Variants in EPHB1 observed in about 807,000 individuals in gnomAD.
The protein encoded by EPHB1 is ephrin type-B receptor 1.
EPHB1 carries 30 observed loss-of-function variants against 94.4 expected under a neutral mutation model. The ratio of observed to expected loss-of-function variants is 0.32; its 90% confidence interval spans 0.24 to 0.43. The LOEUF (loss-of-function observed/expected upper bound fraction) is 0.43, where lower values mean the gene tolerates loss of function less well. Ranked by LOEUF, EPHB1 falls within the 20% of genes least tolerant of loss-of-function variation. The pLI, the probability that EPHB1 is intolerant of heterozygous loss-of-function variation, is 1.00. For missense variants in EPHB1, 1,055 were observed against 1,308.3 expected, an observed-to-expected ratio of 0.81 and a Z score of 2.99; for synonymous variants, 522 against 489.1, an observed-to-expected ratio of 1.07 and a Z score of -0.89.
chr3:135,075,966 G>C (rs1235614522), intron 3 of EPHB1, among the ~76,000 whole-genome samples: 2 of 152,136 alleles, frequency 1.3e-5, no homozygotes, highest in Non-Finnish European at 2.9e-5. Flanking sequence ...CATCCCAAGA[G>C]ATGGCTTCCT....
chr3:135,161,423 C>T (rs1193310357), intron 6 of EPHB1, among the ~76,000 whole-genome samples: 1 of 152,130 alleles, frequency 6.6e-6, no homozygotes, highest in Non-Finnish European at 1.5e-5. Context: ...AAGGTGAGGG[C>T]AGAAGTAGGT....
intron 3 of EPHB1, among the ~76,000 whole-genome samples, chr3:134,984,923 T>G (rs1934542109): frequency 1.3e-5 from 2 of 152,098 alleles, no homozygotes; most frequent in Admixed American, 1.3e-4. Context: ...TATGTCACAG[T>G]CCACTTCATG....
intron 1 of EPHB1, among the ~76,000 whole-genome samples, chr3:134,824,573 A>G (rs923232195): frequency 1.3e-5 from 2 of 152,166 alleles, no homozygotes; most frequent in South Asian, 2.1e-4. Context: ...GAACTTGCCA[A>G]CCCAGAGTCT....
intron 1 of EPHB1, among the ~76,000 whole-genome samples, chr3:134,925,278 T>A (rs2038766301): frequency 6.6e-6 from 1 of 152,128 alleles, no homozygotes; most frequent in African/African-American, 2.4e-5. Flanking sequence ...TGATGGGAAG[T>A]TACCCAAGGG....
chr3:135,051,211 T>G, intron 3 of EPHB1, among the ~76,000 whole-genome samples: 1 of 152,172 alleles, frequency 6.6e-6, no homozygotes, highest in Non-Finnish European at 1.5e-5. Context: ...TAAGAGTCCT[T>G]CTATCCCTTA....
intron 1 of EPHB1, among the ~76,000 whole-genome samples, chr3:134,836,882 T>C (rs1261684119): frequency 6.6e-6 from 1 of 152,224 alleles, no homozygotes; most frequent in Non-Finnish European, 1.5e-5. Flanking sequence ...CTGGAATAAG[T>C]TTGTCTAAAG....
At chr3:134,833,536 G>A (rs1162602118) in intron 1 of EPHB1, among the ~76,000 whole-genome samples, 1 of 152,232 alleles carries the variant, frequency 6.6e-6, no homozygotes, top group East Asian at 1.9e-4. Context: ...TACAAAATGT[G>A]TAAAGCATTG....
At chr3:135,082,587 A>T (rs2107787655) in intron 3 of EPHB1, among the ~76,000 whole-genome samples, 1 of 152,324 alleles carries the variant, frequency 6.6e-6, no homozygotes, top group East Asian at 1.9e-4. Flanking sequence ...AGACATGCCA[A>T]CTGGAAAATG....
chr3:135,247,594 A>G (rs1301583813), intron 13 of EPHB1, among the ~76,000 whole-genome samples: 1 of 152,262 alleles, frequency 6.6e-6, no homozygotes, highest in East Asian at 1.9e-4. Context: ...CAATGTACTT[A>G]ACGTTCCTAA....
intron 5 of EPHB1, among the ~76,000 whole-genome samples, chr3:135,141,897 G>A (rs1940843073): frequency 6.6e-6 from 1 of 152,170 alleles, no homozygotes; most frequent in African/African-American, 2.4e-5. Context: ...AATAAGCAGT[G>A]TTCCTTGAGG....
chr3:135,015,595 T>A (rs1343380483), intron 3 of EPHB1, among the ~76,000 whole-genome samples: 1 of 152,146 alleles, frequency 6.6e-6, no homozygotes, highest in Non-Finnish European at 1.5e-5. Context: ...AGCCTCAGGA[T>A]CCCTGGCTGC....
At chr3:134,932,363 G>GAC (rs2038922763) in intron 2 of EPHB1, among the ~76,000 whole-genome samples, 1 of 152,118 alleles carries the variant, frequency 6.6e-6, no homozygotes, top group African/African-American at 2.4e-5. Context: ...CCCACCAGCT[G>GAC]CCCACCTCAA....
chr3:135,107,361 C>A (rs1195878470), intron 4 of EPHB1, among the ~76,000 whole-genome samples: 1 of 152,166 alleles, frequency 6.6e-6, no homozygotes, highest in South Asian at 2.1e-4. Flanking sequence ...AATATTCTCC[C>A]CAATAATTGT....
At chr3:135,124,580 G>A (rs1298140080) in intron 4 of EPHB1, among the ~76,000 whole-genome samples, 1 of 151,696 alleles carries the variant, frequency 6.6e-6, no homozygotes, top group Non-Finnish European at 1.5e-5. Context: ...CCTATGGGTT[G>A]CTGTGATCAT....
At chr3:135,237,855 G>A (rs972283985) in intron 12 of EPHB1, among the ~76,000 whole-genome samples, 3 of 152,322 alleles carry the variant, frequency 2.0e-5, no homozygotes, top group African/African-American at 7.2e-5. Context: ...TCACATGGCT[G>A]TGTTGGCCCT....
At chr3:134,901,076 A>T (rs1228961719) in intron 1 of EPHB1, among the ~76,000 whole-genome samples, 1 of 152,176 alleles carries the variant, frequency 6.6e-6, no homozygotes, top group Non-Finnish European at 1.5e-5. Flanking sequence ...AAACTTTTTA[A>T]ATCTTATTAT....
chr3:135,027,906 G>C (rs1441447226), intron 3 of EPHB1, among the ~76,000 whole-genome samples: 4 of 139,076 alleles, frequency 2.9e-5, no homozygotes, highest in African/African-American at 9.8e-5. Context: ...TTCAGATCCT[G>C]TTATTGGTCT....
chr3:134,808,464 G>C (rs1024003526), intron 1 of EPHB1, among the ~76,000 whole-genome samples: 3 of 152,174 alleles, frequency 2.0e-5, no homozygotes, highest in African/African-American at 7.2e-5. Context: ...AAAACTGTCA[G>C]GGTGCTTGTC....
At chr3:135,012,785 T>G (rs2107749634) in intron 3 of EPHB1, among the ~76,000 whole-genome samples, 1 of 152,262 alleles carries the variant, frequency 6.6e-6, no homozygotes, top group Admixed American at 6.5e-5. Flanking sequence ...AGAGGGAGAA[T>G]AAACATCAGC....
Sources: allele counts gnomAD v4.1 joint callset (sites outside exome capture counted in the v4.1 genomes callset), GRCh38; gene constraint gnomAD v4.1.1; transcripts MANE v1.5; gene names NCBI Gene and HGNC (gene_info 2026-07-23, HGNC 2026-07-21).